Variants in TNS1 observed in about 807,000 individuals in gnomAD.
The protein encoded by TNS1 is tensin-1.
Under a neutral mutation model 168.6 loss-of-function variants are expected in TNS1, and 62 were observed. The ratio of observed to expected loss-of-function variants is 0.37; its 90% CI spans 0.30 to 0.45. The LOEUF (loss-of-function observed/expected upper bound fraction) is 0.45. Ranked by LOEUF, TNS1 falls within the 20% of genes least tolerant of loss-of-function variation. The pLI is 1.00. For missense variants in TNS1, 2,240 were observed against 2,339.4 expected (o/e 0.96, Z 0.88); for synonymous variants, 934 against 933.2 (o/e 1.00, Z -0.02).
intron 18 of TNS1, among the ~76,000 whole-genome samples, chr2:217,857,107 C>T (rs1395684791): frequency 1.3e-5 from 2 of 152,186 alleles, no homozygotes; most frequent in Non-Finnish European, 2.9e-5. Flanking sequence ...AAGTCAGCTT[C>T]AGAATGAAAT....
At chr2:218,029,898 T>A (rs1158215798) in intron 1 of TNS1, among the ~76,000 whole-genome samples, 3 of 152,114 alleles carry the variant, frequency 2.0e-5, no homozygotes, top group Admixed American at 2.0e-4. Context: ...TAGGAAATAT[T>A]TCAACACACT....
chr2:217,996,980 C>T (rs1478376678), intron 1 of TNS1, among the ~76,000 whole-genome samples: 3 of 151,922 alleles, frequency 2.0e-5, no homozygotes, highest in Non-Finnish European at 4.4e-5. Context: ...CCTGTGTCCA[C>T]CCAGGCTGCT....
intron 4 of TNS1, among the ~76,000 whole-genome samples, chr2:217,908,567 T>C (rs1015318896): frequency 6.6e-6 from 1 of 152,158 alleles, no homozygotes; most frequent in African/African-American, 2.4e-5. Context: ...ATGGACAGAA[T>C]GATCCTCTAA....
intron 21 of TNS1, 112 bp from the exon 22 acceptor site, chr2:217,831,659 C>T (rs1033101375): frequency 1.3e-5 from 10 of 781,974 alleles, no homozygotes; most frequent in African/African-American, 5.5e-5. Context: ...GAGACGGTGC[C>T]GAGGAACCAC....
intron 2 of TNS1, among the ~76,000 whole-genome samples, chr2:217,985,804 G>A (rs1031136796): frequency 3.9e-5 from 6 of 152,086 alleles, no homozygotes; most frequent in Non-Finnish European, 8.8e-5. Context: ...GGGTCAGAGT[G>A]GGGATTTGAA....
chr2:217,978,931 G>A (rs1437335372), intron 2 of TNS1, 129 bp from the exon 3 acceptor site: 17 of 671,674 alleles, frequency 2.5e-5, no homozygotes, highest in Non-Finnish European at 3.5e-5. Context: ...GGGACGGAGG[G>A]AAGGAGAGAG....
intron 30 of TNS1, among the ~76,000 whole-genome samples, chr2:217,809,516 GATGGATAGGTGC>G (rs1190377789): frequency 2.3e-5 from 2 of 87,414 alleles, no homozygotes; most frequent in Non-Finnish European, 2.3e-5. Context: ...TGGATGGATG[GATGGATAGGTGC>G]ATGGATGGAT....
upstream of TNS1, among the ~76,000 whole-genome samples, chr2:218,007,645 T>G (rs1958671884): frequency 6.6e-6 from 1 of 151,538 alleles, no homozygotes; most frequent in Non-Finnish European, 1.5e-5. Context: ...TGGGTCAGGA[T>G]GAGACCAACT....
chr2:217,951,043 T>C (rs1048392462), intron 3 of TNS1, among the ~76,000 whole-genome samples: 2 of 152,114 alleles, frequency 1.3e-5, no homozygotes, highest in East Asian at 1.9e-4. Context: ...TCCACCCCTA[T>C]AGAAAATAAT....
chr2:217,917,163 T>C (rs548876122), intron 4 of TNS1, among the ~76,000 whole-genome samples: 5 of 152,188 alleles, frequency 3.3e-5, no homozygotes, highest in African/African-American at 1.2e-4. Context: ...AGCTGCCACC[T>C]TCCCCCATGG....
intron 3 of TNS1, among the ~76,000 whole-genome samples, chr2:217,972,365 G>A (rs961984500): frequency 6.6e-4 from 100 of 152,334 alleles, no homozygotes; most frequent in African/African-American, 2.0e-3. Flanking sequence ...GGTATTTCTG[G>A]TAGCAGGAGA....
At chr2:217,809,280 CATGG>C (rs1940022247) in intron 30 of TNS1, among the ~76,000 whole-genome samples, 2 of 4,278 alleles carry the variant, frequency 4.7e-4, no homozygotes, top group Non-Finnish European at 4.8e-4. Flanking sequence ...TGGATGGATG[CATGG>C]ATGGATGGAT....
intron 3 of TNS1, among the ~76,000 whole-genome samples, chr2:217,926,263 G>C (rs1025502194): frequency 6.6e-6 from 1 of 152,174 alleles, no homozygotes; most frequent in African/African-American, 2.4e-5. Context: ...GTCACCCGGC[G>C]TATGGTATTT....
At chr2:217,904,902 T>C (rs1429628833) in intron 6 of TNS1, among the ~76,000 whole-genome samples, 1 of 152,094 alleles carries the variant, frequency 6.6e-6, no homozygotes, top group Non-Finnish European at 1.5e-5. Flanking sequence ...CCCTGTCCCC[T>C]TGCCAAAGGT....
intron 22 of TNS1, among the ~76,000 whole-genome samples, chr2:217,825,505 T>A (rs376078421): frequency 6.6e-6 from 1 of 152,186 alleles, no homozygotes; most frequent in South Asian, 2.1e-4. Context: ...GAATGAACCA[T>A]CAGTTTCCCA....
intron 4 of TNS1, among the ~76,000 whole-genome samples, chr2:217,911,017 C>T (rs575439361): frequency 6.4e-4 from 98 of 152,324 alleles, no homozygotes; most frequent in Non-Finnish European, 1.0e-3. Flanking sequence ...TGCCTCCCTG[C>T]AGGCTCTTCT....
intron 18 of TNS1, among the ~76,000 whole-genome samples, chr2:217,878,644 G>A (rs1279037063): frequency 2.6e-5 from 4 of 152,070 alleles, no homozygotes; most frequent in Non-Finnish European, 5.9e-5. Context: ...AATGTGTCAC[G>A]GACCCCCAAG....
At chr2:217,891,454 C>A (rs1951738219) in intron 11 of TNS1, among the ~76,000 whole-genome samples, 1 of 152,180 alleles carries the variant, frequency 6.6e-6, no homozygotes, top group South Asian at 2.1e-4. Context: ...GAGCTTGGCA[C>A]TCATGGCACA....
intron 18 of TNS1, chr2:217,858,577 TACATG>T (rs1948440010): frequency 1.0e-6 from 1 of 985,926 alleles, no homozygotes; most frequent in Admixed American, 6.2e-5. Context: ...CAATAATTCC[TACATG>T]GCTGCAGCTC....
Sources: gnomAD v4.1 joint callset for allele counts (sites outside exome capture counted in the v4.1 genomes callset) on GRCh38, gnomAD v4.1.1 for gene constraint, MANE v1.5 for transcripts, NCBI Gene and HGNC (gene_info 2026-07-23, HGNC 2026-07-21) for gene names.